The following BICD1 variants were observed in gnomAD, a reference collection of about 807,000 sequenced individuals.
BICD1 encodes the protein protein bicaudal D homolog 1.
A neutral mutation model predicts 92.5 loss-of-function variants in BICD1; 35 were observed. The ratio of observed to expected loss-of-function variants is 0.38; its 90% CI spans 0.29 to 0.50. BICD1 has a LOEUF of 0.50. Among genes scored for constraint, BICD1 ranks in the 20% least tolerant of loss-of-function variants. BICD1 has a pLI of 0.93. For synonymous variants in BICD1, 429 were observed against 465.1 expected (o/e 0.92, Z 1.00); for missense variants, 950 against 1,189.8 (o/e 0.80, Z 2.97).
intron 1 of BICD1, among the ~76,000 whole-genome samples, chr12:32,120,888 AGAGAGAG>A (rs759120472): frequency 0.34 from 38,449 of 112,716 alleles, 5,476 homozygotes; most frequent in Admixed American, 0.48. Context: ...AGAGAGAGAG[AGAGAGAG>A]AAAAAAAAAA....
At chr12:32,323,207 T>G (rs1218187990) in intron 4 of BICD1, among the ~76,000 whole-genome samples, 1 of 152,196 alleles carries the variant, frequency 6.6e-6, no homozygotes, top group Admixed American at 6.5e-5. Context: ...CTGTTATAAC[T>G]AATGAAATCC....
At chr12:32,161,608 C>G (rs1024687623) in intron 1 of BICD1, among the ~76,000 whole-genome samples, 1 of 152,094 alleles carries the variant, frequency 6.6e-6, no homozygotes, top group African/African-American at 2.4e-5. Context: ...TCTAGAAATG[C>G]CTGATGGTAT....
intron 8 of BICD1, chr12:32,354,273 G>A (rs963296247): frequency 1.3e-5 from 2 of 152,142 alleles, no homozygotes; most frequent in Admixed American, 1.3e-4. Flanking sequence ...ACTTAGCAAG[G>A]CATGCTCTCA....
At chr12:32,219,553 A>G (rs868204367) in intron 2 of BICD1, among the ~76,000 whole-genome samples, 20 of 152,204 alleles carry the variant, frequency 1.3e-4, no homozygotes, top group African/African-American at 4.6e-4. Context: ...CAAAAATATC[A>G]TTGACGATAT....
At chr12:32,142,453 C>CCTATCTATCTAT (rs71065001) in intron 1 of BICD1, among the ~76,000 whole-genome samples, 5,983 of 112,816 alleles carry the variant, frequency 0.053, 195 homozygotes, top group Middle Eastern at 0.1. Context: ...ACCTATCTAT[C>CCTATCTATCTAT]CTATCTATCT....
chr12:32,258,025 A>G (rs987908517), intron 2 of BICD1, among the ~76,000 whole-genome samples: 2 of 152,220 alleles, frequency 1.3e-5, no homozygotes, highest in East Asian at 1.9e-4. Context: ...GAGCATGTAT[A>G]TGAGCATTTC....
In BICD1 at chr12:32,195,427, C is replaced by T. The variant is rs1030280707; in HGVS notation, c.214-20820C>T. Among the ~76,000 whole-genome samples the T allele has an allele frequency of 5.3e-5, 8 of 152,286 alleles. No homozygotes were observed. In the East Asian group the frequency reaches 5.8e-4, roughly 11 times the overall value. On this transcript the variant is annotated intron_variant, in intron 1 of 9. Transcript: ENST00000652176. ...AAACAGTATGGAACTGGCCTAAAAA[C>T]GGCCACTAGGGTCACTGGGACAGAA... is the stretch of plus-strand genomic sequence containing the variant.
chr12:32,270,239 A>G (rs1947103923), intron 2 of BICD1, among the ~76,000 whole-genome samples: 1 of 150,134 alleles, frequency 6.7e-6, no homozygotes. Flanking sequence ...ATAAAATAAT[A>G]TAATAAGATG....
intron 2 of BICD1, among the ~76,000 whole-genome samples, chr12:32,274,496 C>T (rs1947226815): frequency 6.6e-6 from 1 of 152,132 alleles, no homozygotes; most frequent in Non-Finnish European, 1.5e-5. Flanking sequence ...CTACCATTAG[C>T]TCCAGAATCA....
At chr12:32,273,740 C>A (rs994008522) in intron 2 of BICD1, among the ~76,000 whole-genome samples, 1 of 152,280 alleles carries the variant, frequency 6.6e-6, no homozygotes, top group South Asian at 2.1e-4. Flanking sequence ...CAGCTAAAAC[C>A]GGGTTCTTGT....
chr12:32,317,374 T>A (rs1314293017), intron 4 of BICD1, among the ~76,000 whole-genome samples: 5 of 152,192 alleles, frequency 3.3e-5, no homozygotes, highest in Non-Finnish European at 5.9e-5. Context: ...ACCTGTTGTT[T>A]CCTGACTTTT....
intron 1 of BICD1, among the ~76,000 whole-genome samples, chr12:32,189,392 C>G (rs1333057119): frequency 6.6e-6 from 1 of 152,178 alleles, no homozygotes; most frequent in Non-Finnish European, 1.5e-5. Context: ...TTTTCTCCTC[C>G]TCTTCCTCCT....
At chr12:32,345,843 A>C (rs1388435421) in intron 8 of BICD1, among the ~76,000 whole-genome samples, 11 of 152,230 alleles carry the variant, frequency 7.2e-5, no homozygotes, top group African/African-American at 2.7e-4. Context: ...GTAGTCTAGT[A>C]GTCATGTTAG....
chr12:32,264,269 T>C (rs988102103), intron 2 of BICD1, among the ~76,000 whole-genome samples: 1 of 152,196 alleles, frequency 6.6e-6, no homozygotes, highest in East Asian at 1.9e-4. Flanking sequence ...TCTCCTCAAC[T>C]AAATTATAAA....
Position 32,377,654 on chromosome 12 carries a change from G to C in BICD1, c.*27G>C. 1.3e-6 allele frequency: 2 copies of C among 1,587,418 alleles called. No individual in the cohort carries two copies. The highest frequency in any genetic ancestry group is 1.7e-6 in the Non-Finnish European group (2 of 1,155,892). On this transcript the variant is annotated 3_prime_UTR_variant, in exon 10 of 10. Coordinates refer to ENST00000652176, the MANE Select transcript of BICD1 (RefSeq NM_001714.4). ...CTTCATCTCCTGTGGACGAACATCT[G>C]GGGTGGAAGTTTTGTAGCCACACAC... is the stretch of plus-strand genomic sequence containing the variant.
chr12:32,182,325 C>T (rs1944301928), intron 1 of BICD1, among the ~76,000 whole-genome samples: 2 of 131,854 alleles, frequency 1.5e-5, no homozygotes, highest in Non-Finnish European at 3.2e-5. Context: ...CTCTGTTGCC[C>T]AGGCTGGAGT....
At chr12:32,109,877 CA>C (rs1484707790) in intron 1 of BICD1, among the ~76,000 whole-genome samples, 1 of 152,010 alleles carries the variant, frequency 6.6e-6, no homozygotes, top group African/African-American at 2.4e-5. Flanking sequence ...GGTGTTCCAA[CA>C]CCTCAGTTTT....
At chr12:32,343,753 G>A (rs781134036) in intron 8 of BICD1, among the ~76,000 whole-genome samples, 1 of 152,156 alleles carries the variant, frequency 6.6e-6, no homozygotes, top group Non-Finnish European at 1.5e-5. Flanking sequence ...AAATGTTTCT[G>A]TGATATTTTG....
chr12:32,326,547 C>T (rs949524175), intron 4 of BICD1, among the ~76,000 whole-genome samples: 1 of 152,122 alleles, frequency 6.6e-6, no homozygotes, highest in Non-Finnish European at 1.5e-5. Flanking sequence ...ATAAGTTGTT[C>T]TTTTAGCCCT....
Sources: allele counts gnomAD v4.1 joint callset (sites outside exome capture counted in the v4.1 genomes callset), GRCh38; gene constraint gnomAD v4.1.1; transcripts MANE v1.5; gene names NCBI Gene and HGNC (gene_info 2026-07-23, HGNC 2026-07-21).